Variants in ADK observed in about 807,000 individuals in gnomAD.
ADK encodes adenosine kinase.
A neutral mutation model predicts 44.7 loss-of-function variants in ADK; 24 were observed. That is an observed-to-expected ratio of 0.54 (90% CI 0.39 to 0.76). The LOEUF is 0.76. ADK is among the 30% of genes least tolerant of loss of function. The pLI is 0.00. For synonymous variants in ADK, 128 were observed against 142.6 expected (o/e 0.90, Z 0.73); for missense variants, 321 against 425.1 (o/e 0.76, Z 2.15).
At chr10:74,319,801 A>G (rs1310912390) in intron 4 of ADK, among the ~76,000 whole-genome samples, 1 of 152,208 alleles carries the variant, frequency 6.6e-6, no homozygotes. Flanking sequence ...TTCTAAACTC[A>G]TAACAACCTA....
intron 6 of ADK, among the ~76,000 whole-genome samples, chr10:74,508,814 T>A (rs1284109900): frequency 6.6e-6 from 1 of 152,188 alleles, no homozygotes; most frequent in Admixed American, 6.5e-5. Flanking sequence ...CCTTTAAGAC[T>A]GTATTGTGTT....
chr10:74,250,231 C>T (rs944178274), intron 3 of ADK, among the ~76,000 whole-genome samples: 3 of 152,136 alleles, frequency 2.0e-5, no homozygotes, highest in African/African-American at 7.2e-5. Context: ...TCTGCAAGAA[C>T]AGTAATTTTC....
intron 1 of ADK, among the ~76,000 whole-genome samples, chr10:74,194,382 C>A (rs1383260737): frequency 6.6e-5 from 10 of 152,088 alleles, no homozygotes; most frequent in Admixed American, 6.5e-4. Flanking sequence ...CTGAAATTGG[C>A]ATACATCTTA....
chr10:74,698,032 A>G (rs1015909958), intron 10 of ADK, among the ~76,000 whole-genome samples: 12 of 152,226 alleles, frequency 7.9e-5, no homozygotes, highest in Admixed American at 6.5e-5. Context: ...TTGTTAATGA[A>G]CAGAGGTTTA....
chr10:74,654,980 G>T, intron 9 of ADK: 2 of 163,784 alleles, frequency 1.2e-5, no homozygotes, highest in South Asian at 1.6e-4. Flanking sequence ...TGCAGTGAGC[G>T]AACCCAGCAC....
In ADK at chr10:74,671,790, A is replaced by T. The variant is rs556145237; in HGVS notation, c.964+1521A>T. 3.3e-4 allele frequency among the ~76,000 whole-genome samples: 50 copies of T among 152,268 alleles called. 1 individual carries two copies. The highest frequency in any genetic ancestry group is 7.2e-4 in the Admixed American group (11 of 15,290). ...AGTACTTTAAAATCTTTAAAACATG[A>T]AGTATTCTATTTCTTTGACATTCAG... On this transcript the variant is annotated intron_variant, in intron 10 of 10. Transcript: ENST00000539909.
chr10:74,495,857 T>G (rs908187304), intron 6 of ADK, among the ~76,000 whole-genome samples: 4 of 152,204 alleles, frequency 2.6e-5, no homozygotes, highest in African/African-American at 9.7e-5. Context: ...TTTTCTGAAT[T>G]TTCCAAGGTT....
chr10:74,346,609 G>T (rs1399461540), intron 4 of ADK, among the ~76,000 whole-genome samples: 1 of 152,130 alleles, frequency 6.6e-6, no homozygotes, highest in Non-Finnish European at 1.5e-5. Context: ...TTTACAGTAA[G>T]GATCGAGTAG....
chr10:74,586,872 T>A (rs1172691190), intron 7 of ADK, among the ~76,000 whole-genome samples: 7 of 150,486 alleles, frequency 4.7e-5, no homozygotes, highest in African/African-American at 1.7e-4. Context: ...AAAAAAAATA[T>A]ATATGTATAT....
chr10:74,365,740 G>C (rs146162417), intron 4 of ADK, among the ~76,000 whole-genome samples: 298 of 152,146 alleles, frequency 2.0e-3, no homozygotes, highest in African/African-American at 6.9e-3. Flanking sequence ...TTAATTGCTG[G>C]GTCATATGGT....
chr10:74,548,603 A>G (rs1849920905), intron 7 of ADK, among the ~76,000 whole-genome samples: 1 of 152,214 alleles, frequency 6.6e-6, no homozygotes, highest in Non-Finnish European at 1.5e-5. Context: ...AGTATTCGGG[A>G]AGACTTCATG....
At chr10:74,326,764 A>T (rs2131836316) in intron 4 of ADK, among the ~76,000 whole-genome samples, 1 of 152,118 alleles carries the variant, frequency 6.6e-6, no homozygotes, top group South Asian at 2.1e-4. Context: ...CTTCGTAATT[A>T]AATTTTGGTA....
At chr10:74,212,793 T>C (rs186539342) in intron 2 of ADK, among the ~76,000 whole-genome samples, 38 of 151,944 alleles carry the variant, frequency 2.5e-4, no homozygotes, top group African/African-American at 9.2e-4. Flanking sequence ...TGTTGCGAGA[T>C]GATGACTTGA....
intron 4 of ADK, among the ~76,000 whole-genome samples, chr10:74,329,338 G>A (rs1177598670): frequency 2.0e-5 from 3 of 152,148 alleles, no homozygotes; most frequent in South Asian, 2.1e-4. Flanking sequence ...AGAAGGATGT[G>A]CAGTAGAATT....
chr10:74,524,730 C>G (rs551791875), intron 6 of ADK, among the ~76,000 whole-genome samples: 1 of 152,198 alleles, frequency 6.6e-6, no homozygotes, highest in South Asian at 2.1e-4. Flanking sequence ...ATTTTAAAGT[C>G]ACTTATAAGA....
chr10:74,669,868 G>A (rs998712191), intron 9 of ADK, among the ~76,000 whole-genome samples: 5 of 152,040 alleles, frequency 3.3e-5, no homozygotes, highest in Non-Finnish European at 7.4e-5. Context: ...TTTAGTTTAT[G>A]GCTTCTGTTC....
intron 7 of ADK, among the ~76,000 whole-genome samples, chr10:74,545,354 CA>C (rs1273071092): frequency 2.0e-5 from 3 of 152,118 alleles, no homozygotes; most frequent in Non-Finnish European, 4.4e-5. Context: ...GGGTCCCTGA[CA>C]ATGTGAATAG....
chr10:74,384,057 ACTAAGGTG>A, intron 4 of ADK, among the ~76,000 whole-genome samples: 1 of 152,188 alleles, frequency 6.6e-6, no homozygotes. Flanking sequence ...CTCTGCAAAG[ACTAAGGTG>A]CTACTTGCAT....
At chr10:74,621,544 A>T (rs1852993428) in intron 9 of ADK, among the ~76,000 whole-genome samples, 1 of 151,808 alleles carries the variant, frequency 6.6e-6, no homozygotes, top group Non-Finnish European at 1.5e-5. Flanking sequence ...GATGTTTTTT[A>T]CCATTTAGGG....
Sources: gnomAD v4.1 joint callset for allele counts (sites outside exome capture counted in the v4.1 genomes callset) on GRCh38, gnomAD v4.1.1 for gene constraint, MANE v1.5 for transcripts, NCBI Gene and HGNC (gene_info 2026-07-23, HGNC 2026-07-21) for gene names.